Variants in ZFHX3 observed in about 807,000 individuals in gnomAD.
ZFHX3 encodes the protein zinc finger homeobox protein 3.
ZFHX3 carries 42 observed loss-of-function variants against 279.1 expected under a neutral mutation model. The ratio of observed to expected loss-of-function variants is 0.15; its 90% CI spans 0.12 to 0.19. The LOEUF (loss-of-function observed/expected upper bound fraction) is 0.19. Ranked by LOEUF, ZFHX3 falls within the 10% of genes least tolerant of loss-of-function variation. ZFHX3 has a pLI of 1.00. For missense variants in ZFHX3, 4,981 were observed against 4,754.0 expected (o/e 1.05, Z -1.40); for synonymous variants, 2,293 against 1,957.8 (o/e 1.17, Z -4.52).
At chr16:73,093,240 G>A (rs373305367) in exon 8 of ZFHX3, 15 of 514,892 alleles carry the variant, frequency 2.9e-5, no homozygotes, top group Non-Finnish European at 4.7e-5. Flanking sequence ...CCTACCTGGC[G>A]TTGACTTCCA....
intron 2 of ZFHX3, chr16:73,487,459 A>G (rs2018995723): frequency 2.3e-6 from 1 of 441,168 alleles, no homozygotes; most frequent in African/African-American, 2.0e-5. Context: ...CTGGAGTGCC[A>G]GCATGATTAT....
chr16:73,336,122 G>A (rs765499972), intron 3 of ZFHX3, among the ~76,000 whole-genome samples: 2 of 152,210 alleles, frequency 1.3e-5, no homozygotes, highest in African/African-American at 4.8e-5. Context: ...TGGGGCGGCA[G>A]GTGCAGGCAG....
At chr16:73,411,592 G>A (rs868645254) in intron 3 of ZFHX3, among the ~76,000 whole-genome samples, 6 of 152,204 alleles carry the variant, frequency 3.9e-5, no homozygotes, top group African/African-American at 1.4e-4. Context: ...CTGTATGCCT[G>A]TGAGGGTGTT....
chr16:73,654,587 T>C (rs2052703595), intron 2 of ZFHX3, among the ~76,000 whole-genome samples: 1 of 151,988 alleles, frequency 6.6e-6, no homozygotes, highest in Non-Finnish European at 1.5e-5. Context: ...CTTAAACAAT[T>C]CCAGCAATTT....
intron 8 of ZFHX3, among the ~76,000 whole-genome samples, chr16:73,084,772 A>T (rs903643260): frequency 2.0e-4 from 31 of 152,126 alleles, no homozygotes; most frequent in Non-Finnish European, 3.8e-4. Flanking sequence ...CGCCCACCTC[A>T]GCCTCCCAAA....
intron 1 of ZFHX3, among the ~76,000 whole-genome samples, chr16:73,792,597 A>T (rs1272327884): frequency 6.6e-6 from 1 of 152,192 alleles, no homozygotes; most frequent in Non-Finnish European, 1.5e-5. Flanking sequence ...GCTACCTAGG[A>T]TAAAACAGTA....
chr16:73,680,926 G>A (rs2053004024), intron 1 of ZFHX3, among the ~76,000 whole-genome samples: 1 of 152,124 alleles, frequency 6.6e-6, no homozygotes, highest in Non-Finnish European at 1.5e-5. Context: ...ATCACACAGA[G>A]TATACGGGAA....
chr16:73,018,688 T>TAGA (rs1430847721), intron 1 of ZFHX3, among the ~76,000 whole-genome samples: 20 of 152,304 alleles, frequency 1.3e-4, no homozygotes, highest in African/African-American at 4.6e-4. Flanking sequence ...CAGGCTTGGC[T>TAGA]GTGTGTTATC....
At chr16:73,660,307 T>A (rs919526165) in intron 2 of ZFHX3, among the ~76,000 whole-genome samples, 2 of 152,228 alleles carry the variant, frequency 1.3e-5, no homozygotes. Flanking sequence ...AAGTCAGCAT[T>A]TAACTTTCCT....
At chr16:73,229,389 T>C (rs527605691) in intron 5 of ZFHX3, among the ~76,000 whole-genome samples, 2 of 152,228 alleles carry the variant, frequency 1.3e-5, no homozygotes, top group Non-Finnish European at 2.9e-5. Context: ...ATAAAAGTAA[T>C]GAGGGAGAAA....
intron 8 of ZFHX3, among the ~76,000 whole-genome samples, chr16:73,072,045 G>A (rs1243215209): frequency 6.6e-6 from 1 of 152,224 alleles, no homozygotes; most frequent in East Asian, 1.9e-4. Context: ...AGACAATTAA[G>A]TAGTCATTAC....
At chr16:72,949,740 G>A (rs1434267437) in intron 3 of ZFHX3, among the ~76,000 whole-genome samples, 10 of 149,498 alleles carry the variant, frequency 6.7e-5, no homozygotes, top group African/African-American at 1.7e-4. Context: ...ACAGAACCCA[G>A]GAAGCAACAG....
chr16:73,682,893 AGAAAGAAAGAAAG>A (rs1224974373), intron 1 of ZFHX3, among the ~76,000 whole-genome samples: 13 of 22,368 alleles, frequency 5.8e-4, no homozygotes, highest in African/African-American at 1.3e-3. Context: ...AAAGAAAGAA[AGAAAGAAAGAAAG>A]AGAAAGAAAG....
rs529982392 is a variant in ZFHX3, at chr16:73,303,673, T to G, written c.-1194+14567A>C. Among the ~76,000 whole-genome samples, 4 of 152,176 alleles carry G rather than the reference T, an allele frequency of 2.6e-5. No homozygotes were observed. The South Asian group carries it at 8.3e-4, about 31-fold the overall frequency. On this transcript the variant is annotated intron_variant, in intron 4 of 17. Transcript: ENST00000641206. The stretch of plus-strand genomic sequence containing the variant: ...CTTCCTATGAATTTATAGGACAATT[T>G]AGGTCCTAGCTGAATAATTCAGAAA...
rs956279446 is a variant in ZFHX3 at position 72,786,193 on chromosome 16, T to C, written c.*971A>G. ...TAGGAATGAACAAGACAACATCAAA[T>C]GAGGAGCTGTCAGCTGGACCATACA... On this transcript the variant is annotated 3_prime_UTR_variant, in exon 10 of 10. Coordinates refer to ENST00000268489, the MANE Select transcript of ZFHX3 (RefSeq NM_006885.4). The C allele has an allele frequency of 6.6e-6, 1 of 151,308 alleles. No individual in the cohort carries two copies. The highest frequency in any genetic ancestry group is 2.4e-5 in the African/African-American group (1 of 41,150). The allele number at this position is 151,308 out of a possible 1,614,324, so 9.4% of individuals were successfully genotyped here.
intron 1 of ZFHX3, among the ~76,000 whole-genome samples, chr16:73,817,419 T>C (rs1421954820): frequency 6.6e-6 from 1 of 152,188 alleles, no homozygotes; most frequent in Non-Finnish European, 1.5e-5. Context: ...CTGCAAACCT[T>C]TTCAAAGACT....
chr16:73,770,841 T>C (rs969358766), intron 1 of ZFHX3, among the ~76,000 whole-genome samples: 1 of 152,234 alleles, frequency 6.6e-6, no homozygotes. Flanking sequence ...CTGCTGAGTT[T>C]AACACAAAGC....
chr16:73,807,601 C>G (rs1399851864), intron 1 of ZFHX3, among the ~76,000 whole-genome samples: 1 of 148,390 alleles, frequency 6.7e-6, no homozygotes, highest in African/African-American at 2.5e-5. Flanking sequence ...GGCCTACAGG[C>G]ACATTCCACC....
intron 3 of ZFHX3, among the ~76,000 whole-genome samples, chr16:73,327,690 A>G (rs543923510): frequency 6.6e-6 from 1 of 152,384 alleles, no homozygotes; most frequent in East Asian, 1.9e-4. Context: ...CTTTATGTCA[A>G]GAAGCTTAGA....
Sources: gnomAD v4.1 joint callset for allele counts (sites outside exome capture counted in the v4.1 genomes callset) on GRCh38, gnomAD v4.1.1 for gene constraint, MANE v1.5 for transcripts, NCBI Gene and HGNC (gene_info 2026-07-23, HGNC 2026-07-21) for gene names.